Variants in CASS4 observed in about 807,000 individuals in gnomAD.
CASS4 encodes the protein Cas scaffold protein family member 4, also known as cas scaffolding protein family member 4.
CASS4 carries 22 observed loss-of-function variants against 54.2 expected under a neutral mutation model. That is an observed-to-expected ratio of 0.41 (90% CI 0.29 to 0.58). The LOEUF (loss-of-function observed/expected upper bound fraction) is 0.58. CASS4 is among the 20% of genes least tolerant of loss of function. CASS4 has a pLI of 0.36. For missense variants in CASS4, 854 were observed against 986.7 expected (o/e 0.87, Z 1.80); for synonymous variants, 409 against 391.5 (o/e 1.04, Z -0.53).
chr20:56,425,180 A>G (rs1979582251), intron 1 of CASS4, among the ~76,000 whole-genome samples: 1 of 152,218 alleles, frequency 6.6e-6, no homozygotes. Context: ...GATCACTGGG[A>G]TAGCAGGAAG....
chr20:56,447,472 G>T (rs1980770843), intron 3 of CASS4, among the ~76,000 whole-genome samples: 1 of 152,182 alleles, frequency 6.6e-6, no homozygotes, highest in South Asian at 2.1e-4. Flanking sequence ...CAAGAGGCAG[G>T]CAGGGACAAA....
chr20:56,433,448 C>T (rs539926179), intron 1 of CASS4, among the ~76,000 whole-genome samples: 33 of 152,174 alleles, frequency 2.2e-4, no homozygotes, highest in African/African-American at 7.5e-4. Flanking sequence ...CACACAGGGC[C>T]TTGATGGTTT....
At chr20:56,432,533 A>G (rs993900171) in intron 1 of CASS4, among the ~76,000 whole-genome samples, 1 of 151,550 alleles carries the variant, frequency 6.6e-6, no homozygotes, top group African/African-American at 2.4e-5. Context: ...ACGCTGGACA[A>G]TTTTTGTATT....
At chr20:56,418,807 G>A (rs774945908) in intron 1 of CASS4, among the ~76,000 whole-genome samples, 1 of 152,122 alleles carries the variant, frequency 6.6e-6, no homozygotes, top group Non-Finnish European at 1.5e-5. Context: ...CTTTCATTCC[G>A]TCAACAAATA....
chr20:56,437,745 G>T lies in CASS4; in HGVS notation c.459+159G>T, dbSNP rs530006173. Among the ~76,000 whole-genome samples, 23 of 152,332 alleles carry T rather than the reference G, an allele frequency of 1.5e-4. No homozygotes were observed. Among genetic ancestry groups the T allele is most frequent in the African/African-American group, 5.3e-4 (22 of 41,582 alleles). ...TCGGGGAGCTTGTGTGCCAGGTTGGGATGGAGAACTCAGCGGCCTCCACCC... is the reference window on the plus strand; with the variant it reads ...TCGGGGAGCTTGTGTGCCAGGTTGGTATGGAGAACTCAGCGGCCTCCACCC... On this transcript the variant is annotated intron_variant, in intron 2 of 5. Coordinates refer to ENST00000679887, the MANE Select transcript of CASS4 (RefSeq NM_020356.4). The surrounding 1 kb of genome is among the most constrained non-coding windows in gnomAD (Gnocchi z 4.7).
intron 3 of CASS4, among the ~76,000 whole-genome samples, chr20:56,446,996 C>T (rs1213337571): frequency 2.0e-5 from 3 of 152,050 alleles, no homozygotes; most frequent in East Asian, 1.9e-4. Context: ...TCACTTGACA[C>T]TAGGAGTTCG....
At chr20:56,443,603 G>A (rs111490246) in intron 2 of CASS4, among the ~76,000 whole-genome samples, 3,032 of 152,166 alleles carry the variant, frequency 0.02, 122 homozygotes, top group African/African-American at 0.069. Flanking sequence ...GGAGATCACA[G>A]AGCAGAGGAA....
intron 1 of CASS4, among the ~76,000 whole-genome samples, chr20:56,415,565 T>G (rs760068087): frequency 2.0e-5 from 3 of 152,266 alleles, no homozygotes; most frequent in Non-Finnish European, 4.4e-5. Flanking sequence ...GTGCAGTTGA[T>G]CCATCTCATT....
Position 56,458,761 on chromosome 20 carries a change from C to A in CASS4, c.*14C>A, listed in dbSNP as rs1600782473. Reference sequence around the variant, plus strand: ...ACACTGGGATGAGGACTGTCTACCTCCCTTCCTCCTCTGCTCACCTCTCAG... The same window carrying A: ...ACACTGGGATGAGGACTGTCTACCTACCTTCCTCCTCTGCTCACCTCTCAG... On this transcript the variant is annotated 3_prime_UTR_variant, in exon 6 of 6. Transcript: ENST00000679887. 1 of 1,577,112 alleles carries A rather than the reference C, an allele frequency of 6.3e-7. No individual in the cohort carries two copies. Among genetic ancestry groups the A allele is most frequent in the East Asian group, 2.3e-5 (1 of 43,816 alleles).
intron 3 of CASS4, among the ~76,000 whole-genome samples, chr20:56,448,199 C>T (rs921699616): frequency 6.6e-6 from 1 of 151,842 alleles, no homozygotes; most frequent in Non-Finnish European, 1.5e-5. Flanking sequence ...TCATTTCACT[C>T]ATCTTGCCCT....
At chr20:56,446,499 AT>A (rs1275333073) in intron 3 of CASS4, among the ~76,000 whole-genome samples, 3 of 152,136 alleles carry the variant, frequency 2.0e-5, no homozygotes, top group African/African-American at 4.8e-5. Flanking sequence ...ATTATCACTG[AT>A]TATCTTAACA....
At chr20:56,429,334 T>A (rs1003896484) in intron 1 of CASS4, among the ~76,000 whole-genome samples, 4 of 152,072 alleles carry the variant, frequency 2.6e-5, no homozygotes, top group African/African-American at 9.7e-5. Flanking sequence ...AAGCATCACC[T>A]CAAGTTGCAT....
rs771080322 is a variant in CASS4 at position 56,452,668 on chromosome 20, C to G, written c.1492C>G (p.Arg498Gly). 6.2e-7 allele frequency: 1 copy of G among 1,614,122 alleles called. No individual in the cohort carries two copies. The highest frequency in any genetic ancestry group is 1.1e-5 in the South Asian group (1 of 91,078). ...ESVREFLDFA[R>G]GVHGTACNLT... ...TGTAAGAGAATTTCTGGATTTTGCC[C>G]GAGGAGTCCATGGGACTGCCTGTAA... Residue 498 changes from arginine to glycine, a missense_variant, in exon 5 of 6, where the codon CGA (arginine) becomes GGA (glycine). Arg to Gly is a moderately radical substitution (Grantham distance 125). Coordinates refer to ENST00000679887, the MANE Select transcript of CASS4 (RefSeq NM_020356.4).
intron 5 of CASS4, among the ~76,000 whole-genome samples, chr20:56,454,174 C>G (rs931890968): frequency 2.6e-5 from 4 of 152,172 alleles, no homozygotes; most frequent in Non-Finnish European, 5.9e-5. Context: ...GAGCAAGACT[C>G]TGTCTCAAGA....
chr20:56,437,394 A>T lies in CASS4; in HGVS notation c.267A>T (p.Glu89Asp). 6.2e-7 allele frequency: 1 copy of T among 1,614,062 alleles called. No homozygotes were observed. The highest frequency in any genetic ancestry group is 8.5e-7 in the Non-Finnish European group (1 of 1,179,926). Reference protein sequence around the residue: ...PCPPFLRGLEEAPASSEETYQ... With the variant: ...PCPPFLRGLEDAPASSEETYQ... ...CCCCATTCCTGAGAGGCCTGGAAGAAGCTCCTGCCAGCTCAGAGGAGACCT... is the reference window on the plus strand; with the variant it reads ...CCCCATTCCTGAGAGGCCTGGAAGATGCTCCTGCCAGCTCAGAGGAGACCT... Residue 89 changes from glutamate to aspartate, a missense_variant, in exon 2 of 6, where the codon GAA becomes GAT. Transcript: ENST00000679887. The surrounding 1 kb of genome is among the most constrained non-coding windows in gnomAD (Gnocchi z 4.7).
In CASS4 at chr20:56,452,630, A is replaced by G; in HGVS notation, c.1454A>G (p.His485Arg). ...GATGCAATCCACAGGTCCACTGATCACATAGAAGAATCTGTAAGAGAATTT... is the reference window on the plus strand; with the variant it reads ...GATGCAATCCACAGGTCCACTGATCGCATAGAAGAATCTGTAAGAGAATTT... ...NIDAIHRSTD[H>R]IEESVREFLD... The change falls in exon 5 of 6, where the codon CAC becomes CGC. Residue 485 changes from histidine (H) to arginine (R), a missense_variant. His to Arg is a conservative substitution (Grantham distance 29, BLOSUM62 0). Transcript: ENST00000679887. 6.2e-7 allele frequency: 1 copy of G among 1,614,194 alleles called. No individual in the cohort carries two copies.
chr20:56,436,218 A>G (rs919968435), intron 1 of CASS4, among the ~76,000 whole-genome samples: 7 of 152,046 alleles, frequency 4.6e-5, no homozygotes, highest in Admixed American at 4.6e-4. Context: ...AAAGCAATCT[A>G]ATAGTAATAA....
chr20:56,442,973 A>G lies in CASS4; in HGVS notation c.460-2927A>G, dbSNP rs893244309. ...CTTTGCTCTGTGGAGGTGCCCTTAT[A>G]GGCAAAGGGGATCCCACAGTCAGCC... On this transcript the variant is annotated intron_variant, in intron 2 of 5. Transcript: ENST00000679887. 3.3e-5 allele frequency among the ~76,000 whole-genome samples: 5 copies of G among 151,770 alleles called. 1 individual carries two copies. The highest frequency in any genetic ancestry group is 1.2e-4 in the African/African-American group (5 of 41,048).
At chr20:56,417,760 G>A (rs1209693781) in intron 1 of CASS4, among the ~76,000 whole-genome samples, 1 of 152,208 alleles carries the variant, frequency 6.6e-6, no homozygotes, top group Non-Finnish European at 1.5e-5. Context: ...CAGGTGTTTG[G>A]CAACGGAGGT....
Sources: gnomAD v4.1 joint callset for allele counts (sites outside exome capture counted in the v4.1 genomes callset) on GRCh38, gnomAD v4.1.1 for gene constraint, Gnocchi (gnomAD v3.1) non-coding constraint, MANE v1.5 for transcripts, NCBI Gene and HGNC (gene_info 2026-07-23, HGNC 2026-07-21) for gene names.